The following GALNT13 variants were observed in gnomAD, a reference collection of about 807,000 sequenced individuals.
GALNT13 encodes the protein polypeptide N-acetylgalactosaminyltransferase 13.
A neutral mutation model predicts 64.2 loss-of-function variants in GALNT13; 28 were observed. That is an observed-to-expected ratio of 0.44 (90% confidence interval 0.32 to 0.60). The LOEUF is 0.60. GALNT13 is among the 20% of genes least tolerant of loss of function. The pLI, the probability that GALNT13 is intolerant of heterozygous loss-of-function variation, is 0.05. For synonymous variants in GALNT13, 214 were observed against 224.6 expected (o/e 0.95, Z 0.42); for missense variants, 577 against 669.8 (o/e 0.86, Z 1.53).
the GALNT13 span, among the ~76,000 whole-genome samples, chr2:153,742,052 C>T: frequency 6.6e-6 from 1 of 152,104 alleles, no homozygotes; most frequent in Non-Finnish European, 1.5e-5. Context: ...ATTCACCATA[C>T]TGTGCAATGG....
At chr2:154,418,097 C>T (rs367625496) in intron 11 of GALNT13, among the ~76,000 whole-genome samples, 3 of 151,876 alleles carry the variant, frequency 2.0e-5, no homozygotes, top group African/African-American at 7.3e-5. Context: ...TAAAAAATCC[C>T]CTTACAGGAA....
the GALNT13 span, among the ~76,000 whole-genome samples, chr2:153,722,619 G>A: frequency 7.9e-3 from 1,200 of 151,944 alleles, 12 homozygotes; most frequent in African/African-American, 0.027. Context: ...TGATAAAGGG[G>A]ATATCACCAC....
chr2:153,942,679 T>A (rs1045272618), intron 2 of GALNT13, among the ~76,000 whole-genome samples: 1 of 143,050 alleles, frequency 7.0e-6, no homozygotes, highest in Admixed American at 6.7e-5. Flanking sequence ...TGGATTTACA[T>A]ATATCTCTCC....
At chr2:154,097,469 AC>A in intron 3 of GALNT13, among the ~76,000 whole-genome samples, 1 of 152,096 alleles carries the variant, frequency 6.6e-6, no homozygotes, top group Non-Finnish European at 1.5e-5. Context: ...CTGTTTCTGT[AC>A]TTATCTTGAT....
chr2:153,189,860 T>C, the GALNT13 span, among the ~76,000 whole-genome samples: 3 of 152,162 alleles, frequency 2.0e-5, no homozygotes, highest in South Asian at 4.1e-4. Flanking sequence ...TTAATGATGA[T>C]GAACATTTGA....
chr2:153,481,394 A>C, the GALNT13 span, among the ~76,000 whole-genome samples: 1 of 152,064 alleles, frequency 6.6e-6, no homozygotes, highest in African/African-American at 2.4e-5. Flanking sequence ...TTCTCCTTTT[A>C]TTCACCTGTT....
At chr2:153,719,863 A>G in the GALNT13 span, among the ~76,000 whole-genome samples, 12 of 151,862 alleles carry the variant, frequency 7.9e-5, no homozygotes, top group Non-Finnish European at 1.8e-4. Context: ...TCAAACTGCA[A>G]GGCGGCAGCG....
At chr2:154,152,223 G>T (rs1381460942) in intron 4 of GALNT13, among the ~76,000 whole-genome samples, 3 of 152,166 alleles carry the variant, frequency 2.0e-5, no homozygotes, top group Non-Finnish European at 2.9e-5. Context: ...ATTCTGGGTT[G>T]AAAATTCTTT....
At chr2:153,337,042 T>TC in the GALNT13 span, among the ~76,000 whole-genome samples, 2 of 152,170 alleles carry the variant, frequency 1.3e-5, no homozygotes, top group African/African-American at 4.8e-5. Flanking sequence ...TTCTGAGGCC[T>TC]CCCCAGCCAT....
At chr2:153,242,929 T>C in the GALNT13 span, among the ~76,000 whole-genome samples, 1 of 152,218 alleles carries the variant, frequency 6.6e-6, no homozygotes, top group African/African-American at 2.4e-5. Context: ...CTGTTTTGCA[T>C]TGCATTAGCT....
the GALNT13 span, among the ~76,000 whole-genome samples, chr2:153,334,693 G>A: frequency 2.0e-5 from 3 of 152,100 alleles, no homozygotes; most frequent in Non-Finnish European, 2.9e-5. Flanking sequence ...TGTGAATTAT[G>A]GATGAAGTAA....
the GALNT13 span, among the ~76,000 whole-genome samples, chr2:153,611,679 CTTTTTTTTT>C: frequency 4.9e-3 from 508 of 104,382 alleles, 3 homozygotes; most frequent in African/African-American, 0.017. Context: ...ACATTTTTAC[CTTTTTTTTT>C]TTTTTTTTTT....
At chr2:153,362,042 C>A in the GALNT13 span, among the ~76,000 whole-genome samples, 1 of 152,232 alleles carries the variant, frequency 6.6e-6, no homozygotes, top group Admixed American at 6.5e-5. Context: ...ACCGTACAAG[C>A]CAGAAGAGAG....
At chr2:153,463,196 T>C in the GALNT13 span, among the ~76,000 whole-genome samples, 1 of 152,074 alleles carries the variant, frequency 6.6e-6, no homozygotes, top group South Asian at 2.1e-4. Context: ...TGCGGTGTTG[T>C]GGGAGAATTG....
At chr2:153,741,645 C>G in the GALNT13 span, among the ~76,000 whole-genome samples, 1 of 151,952 alleles carries the variant, frequency 6.6e-6, no homozygotes, top group Non-Finnish European at 1.5e-5. Context: ...TTCAATGTTG[C>G]TACTGTATAC....
In GALNT13 at chr2:154,147,414, T is replaced by C. The variant is rs557446506; in HGVS notation, c.311+6909T>C. 6.0e-5 allele frequency among the ~76,000 whole-genome samples: 9 copies of C among 150,254 alleles called. No homozygotes were observed. The South Asian group carries it at 1.9e-3, about 31-fold the overall frequency. On this transcript the variant is annotated intron_variant, in intron 4 of 12. Transcript: ENST00000392825. ...ATATATATATATATCTCCTAGTATG[T>C]GGCAGTGTGAATTTAGAAGTGCCAT...
At chr2:153,688,732 A>G in the GALNT13 span, among the ~76,000 whole-genome samples, 2 of 152,056 alleles carry the variant, frequency 1.3e-5, no homozygotes, top group African/African-American at 4.8e-5. Flanking sequence ...CTTCTTCATT[A>G]AACTTGTTTG....
At chr2:153,818,670 C>A in the GALNT13 span, among the ~76,000 whole-genome samples, 1 of 152,136 alleles carries the variant, frequency 6.6e-6, no homozygotes, top group Non-Finnish European at 1.5e-5. Context: ...TGTGTGCCTG[C>A]AACAGTGAAG....
chr2:154,244,117 G>A (rs1168376850), intron 6 of GALNT13, among the ~76,000 whole-genome samples: 1 of 151,586 alleles, frequency 6.6e-6, no homozygotes, highest in Admixed American at 6.6e-5. Context: ...TTTTCCACAT[G>A]TGTTTCATAT....
Sources: allele counts gnomAD v4.1 joint callset (sites outside exome capture counted in the v4.1 genomes callset), GRCh38; gene constraint gnomAD v4.1.1; transcripts MANE v1.5; gene names NCBI Gene and HGNC (gene_info 2026-07-23, HGNC 2026-07-21).